SAXO1: variants seen among roughly 807,000 people sequenced by gnomAD.
The protein encoded by SAXO1 is stabilizer of axonemal microtubules 1.
Under a neutral mutation model 17.5 loss-of-function variants are expected in SAXO1, and 21 were observed. The ratio of observed to expected loss-of-function variants is 1.20; its 90% confidence interval spans 0.85 to 1.72. The LOEUF is 1.72. SAXO1 is among the 40% of genes most tolerant of loss of function. The pLI is 0.00. For synonymous variants in SAXO1, 274 were observed against 216.5 expected, an observed-to-expected ratio of 1.27 and a Z score of -2.33; for missense variants, 843 against 596.0, an observed-to-expected ratio of 1.41 and a Z score of -4.32.
intron 1 of SAXO1, among the ~76,000 whole-genome samples, chr9:19,021,610 A>C (rs1835236477): frequency 6.6e-6 from 1 of 152,202 alleles, no homozygotes; most frequent in Non-Finnish European, 1.5e-5. Flanking sequence ...ATATTCAAGG[A>C]CCTGAACAAG....
At chr9:18,996,158 C>A (rs1164072122) in intron 1 of SAXO1, among the ~76,000 whole-genome samples, 4 of 152,054 alleles carry the variant, frequency 2.6e-5, no homozygotes, top group Admixed American at 2.0e-4. Flanking sequence ...TAATGAATCC[C>A]CAAATAAGTA....
intron 1 of SAXO1, among the ~76,000 whole-genome samples, chr9:19,047,442 A>G (rs1836247028): frequency 6.6e-6 from 1 of 152,202 alleles, no homozygotes; most frequent in Non-Finnish European, 1.5e-5. Context: ...CACATGACAG[A>G]ATAGAGGAAA....
Position 19,021,007 on chromosome 9 carries a change from A to T in SAXO1, c.38+11864T>A, listed in dbSNP as rs1256129910. 2.0e-5 allele frequency among the ~76,000 whole-genome samples: 3 copies of T among 152,318 alleles called. No individual in the cohort carries two copies. In the East Asian group the frequency reaches 5.8e-4, roughly 29 times the overall value. ...CTTGGCAAGAATTGTTGCAAGGCCA[A>T]TTGTTTCCTCTTAATTATTTTCTTC... On this transcript the variant is annotated intron_variant, in intron 1 of 3. Coordinates refer to ENST00000380534, the MANE Select transcript of SAXO1 (RefSeq NM_153707.4).
chr9:18,954,071 C>A (rs1391111363), intron 1 of SAXO1, among the ~76,000 whole-genome samples: 1 of 152,146 alleles, frequency 6.6e-6, no homozygotes, highest in Non-Finnish European at 1.5e-5. Context: ...TCAGGTACAT[C>A]CACAGACATA....
chr9:18,943,354 T>C (rs1489429896), intron 2 of SAXO1, among the ~76,000 whole-genome samples: 1 of 152,182 alleles, frequency 6.6e-6, no homozygotes, highest in African/African-American at 2.4e-5. Flanking sequence ...AAGCTGACTG[T>C]ACATATCGGG....
At chr9:19,016,206 C>G (rs547511673) in intron 1 of SAXO1, among the ~76,000 whole-genome samples, 1 of 152,042 alleles carries the variant, frequency 6.6e-6, no homozygotes, top group Non-Finnish European at 1.5e-5. Context: ...GAGGCCGAGG[C>G]GGGTGGATCC....
At chr9:19,047,877 A>G (rs1375732242) in intron 1 of SAXO1, among the ~76,000 whole-genome samples, 2 of 152,242 alleles carry the variant, frequency 1.3e-5, no homozygotes, top group African/African-American at 2.4e-5. Flanking sequence ...ATCAGGAAAA[A>G]GAATACCCAA....
chr9:18,975,897 G>A (rs533359895), intron 1 of SAXO1, among the ~76,000 whole-genome samples: 1 of 152,130 alleles, frequency 6.6e-6, no homozygotes, highest in East Asian at 1.9e-4. Context: ...CAGACCAAGA[G>A]AGATGTAAGT....
At chr9:19,027,344 A>C (rs531214606) in intron 1 of SAXO1, 34 of 787,126 alleles carry the variant, frequency 4.3e-5, no homozygotes, top group South Asian at 4.3e-4. Context: ...TGCCCAGAGT[A>C]CGACTCGCGG....
At chr9:19,039,126 C>T (rs1300893507) in intron 1 of SAXO1, among the ~76,000 whole-genome samples, 1 of 151,376 alleles carries the variant, frequency 6.6e-6, no homozygotes, top group African/African-American at 2.4e-5. Context: ...CAGAGCAAGA[C>T]CCTGCCTCAA....
chr9:19,022,984 G>A (rs150079132), intron 1 of SAXO1, among the ~76,000 whole-genome samples: 64 of 152,270 alleles, frequency 4.2e-4, no homozygotes, highest in African/African-American at 1.5e-3. Context: ...GTTTGTTAAT[G>A]TCAGTATGAA....
chr9:19,014,182 C>T (rs536586762), intron 1 of SAXO1, among the ~76,000 whole-genome samples: 5 of 152,030 alleles, frequency 3.3e-5, no homozygotes, highest in South Asian at 4.2e-4. Context: ...CAAAAATCAC[C>T]GGGTACGGTG....
rs770532223 is a variant in SAXO1, at chr9:18,928,795, T to C, written c.682A>G (p.Arg228Gly). 2.5e-5 allele frequency: 41 copies of C among 1,614,054 alleles called. No homozygotes were observed. The East Asian group carries it at 9.1e-4, about 36-fold the overall frequency. ...KRFVHEAEKF[R>G]PCEIPFESLT... is the part of the protein sequence containing the mutation. ...CTTTCAAAGGGGATTTCACAGGGCC[T>C]GAACTTCTCTGCTTCATGCACAAAG... Residue 228 changes from arginine (R) to glycine (G), a missense_variant, in exon 4 of 4, where the codon AGG becomes GGG. Coordinates refer to ENST00000380534, the MANE Select transcript of SAXO1 (RefSeq NM_153707.4).
rs375596276 is a variant in SAXO1, at chr9:19,006,002, G to A, written c.38+26869C>T. Among the ~76,000 whole-genome samples the A allele has an allele frequency of 1.3e-4, 20 of 152,214 alleles. No homozygotes were observed. The East Asian group carries it at 3.7e-3, about 28-fold the overall frequency. ...TCTCTCCAAAGGAGATATACAAACG[G>A]CAAAAAGGACATGAAAAGATTTTCA... On this transcript the variant is annotated intron_variant, in intron 1 of 3. Transcript: ENST00000380534.
upstream of SAXO1, among the ~76,000 whole-genome samples, chr9:19,033,628 C>A (rs957280420): frequency 6.6e-6 from 1 of 152,238 alleles, no homozygotes; most frequent in Non-Finnish European, 1.5e-5. Flanking sequence ...CTCTCACCCA[C>A]AGACCTGCGC....
At chr9:19,015,430 G>A (rs1031301541) in intron 1 of SAXO1, among the ~76,000 whole-genome samples, 10 of 152,074 alleles carry the variant, frequency 6.6e-5, no homozygotes, top group African/African-American at 2.4e-4. Context: ...TGCAAGCTCC[G>A]CCTCCCGGAT....
At chr9:18,965,777 T>G (rs1375225102) in intron 1 of SAXO1, among the ~76,000 whole-genome samples, 1 of 152,238 alleles carries the variant, frequency 6.6e-6, no homozygotes, top group Non-Finnish European at 1.5e-5. Flanking sequence ...GTGAATTTGA[T>G]CCTGTCATTA....
At position 19,007,509 on chromosome 9, in the gene SAXO1, G is replaced by C. The variant is rs904522099; in HGVS notation, c.38+25362C>G. On this transcript the variant is annotated intron_variant, in intron 1 of 3. Transcript: ENST00000380534. Reference sequence around the variant, plus strand: ...AATCTGTGACCTGAAAACTAAGTCTGACTCCCTTCTTTTAGAAGTTTAGAT... The same window carrying C: ...AATCTGTGACCTGAAAACTAAGTCTCACTCCCTTCTTTTAGAAGTTTAGAT... Among the ~76,000 whole-genome samples, 9 of 152,280 alleles carry C rather than the reference G, an allele frequency of 5.9e-5. 1 individual carries two copies. The highest frequency in any genetic ancestry group is 3.9e-4 in the Admixed American group (6 of 15,294).
intron 1 of SAXO1, among the ~76,000 whole-genome samples, chr9:18,953,874 G>C (rs151168774): frequency 6.6e-6 from 1 of 152,304 alleles, no homozygotes; most frequent in Non-Finnish European, 1.5e-5. Context: ...TCTAACATTA[G>C]TAGAGCCAAA....
Sources: allele counts gnomAD v4.1 joint callset (sites outside exome capture counted in the v4.1 genomes callset), GRCh38; gene constraint gnomAD v4.1.1; transcripts MANE v1.5; gene names NCBI Gene and HGNC (gene_info 2026-07-23, HGNC 2026-07-21).